Variants in APP observed in about 807,000 individuals in gnomAD.
The protein encoded by APP is amyloid beta precursor protein, also known as amyloid-beta precursor protein.
Under a neutral mutation model 101.4 loss-of-function variants are expected in APP, and 31 were observed. The ratio of observed to expected loss-of-function variants is 0.31; its 90% CI spans 0.23 to 0.41. The LOEUF is 0.41. Among genes scored for constraint, APP ranks in the 10% least tolerant of loss-of-function variants. The pLI, the probability that APP is intolerant of heterozygous loss-of-function variation, is 1.00. For missense variants in APP, 839 were observed against 1,003.7 expected (o/e 0.84, Z 2.22); for synonymous variants, 366 against 364.4 (o/e 1.00, Z -0.05).
At position 25,898,896 on chromosome 21, in the gene APP, C is replaced by G. The variant is rs371961318; in HGVS notation, c.1964-1223G>C. Among the ~76,000 whole-genome samples, 124 of 152,286 alleles carry G rather than the reference C, an allele frequency of 8.1e-4. No homozygotes were observed. The South Asian group carries it at 0.018, about 22-fold the overall frequency. On this transcript the variant is annotated intron_variant, in intron 15 of 17. Transcript: ENST00000346798. ...ATCTTGTCTACGAGATTCTGGGAAA[C>G]TTGTGACACATCTTGCTGACACTGA...
intron 8 of APP, among the ~76,000 whole-genome samples, chr21:25,991,347 T>C (rs915099659): frequency 1.3e-5 from 2 of 152,198 alleles, no homozygotes; most frequent in Non-Finnish European, 2.9e-5. Flanking sequence ...AAAAACCTGC[T>C]GTATTAAACC....
At chr21:25,985,355 G>A (rs1375882670) in intron 8 of APP, among the ~76,000 whole-genome samples, 1 of 152,174 alleles carries the variant, frequency 6.6e-6, no homozygotes, top group Non-Finnish European at 1.5e-5. Flanking sequence ...ATTAGCATCG[G>A]AATTGGTGCA....
At chr21:25,999,869 T>G (rs2043212310) in intron 7 of APP, 146 bp downstream of exon 7, 4 of 933,760 alleles carry the variant, frequency 4.3e-6, no homozygotes, top group Non-Finnish European at 6.7e-6. Context: ...GCGGAGACTC[T>G]GAGCAATTAG....
At chr21:25,915,513 A>G (rs1391699998) in intron 13 of APP, among the ~76,000 whole-genome samples, 2 of 152,250 alleles carry the variant, frequency 1.3e-5, no homozygotes, top group Non-Finnish European at 2.9e-5. Flanking sequence ...GTATTATCAC[A>G]AAAGTAGCTG....
chr21:25,988,209 G>A lies in APP; in HGVS notation c.1091-5732C>T, dbSNP rs550005871. Among the ~76,000 whole-genome samples the A allele has an allele frequency of 2.0e-5, 3 of 152,258 alleles. No homozygotes were observed. The South Asian group carries it at 6.2e-4, about 32-fold the overall frequency. On this transcript the variant is annotated intron_variant, in intron 8 of 17. Coordinates refer to ENST00000346798, the MANE Select transcript of APP (RefSeq NM_000484.4). The stretch of plus-strand genomic sequence containing the variant: ...TGGCAAATTCCACGAGACCCGCATG[G>A]CCAGAGCTAAAGAAGCAAGAGAGGA...
chr21:26,105,123 T>C (rs1229661926), intron 2 of APP, among the ~76,000 whole-genome samples: 1 of 142,154 alleles, frequency 7.0e-6, no homozygotes, highest in Non-Finnish European at 1.5e-5. Context: ...GATACCAGAA[T>C]ACCGTGAATT....
chr21:25,893,696 A>C (rs1224407194), intron 16 of APP, among the ~76,000 whole-genome samples: 2 of 152,228 alleles, frequency 1.3e-5, no homozygotes, highest in Non-Finnish European at 2.9e-5. Flanking sequence ...GGTTGATTTC[A>C]TGAGGTTTAA....
chr21:26,037,592 G>A (rs1469083904), intron 5 of APP, among the ~76,000 whole-genome samples: 1 of 152,186 alleles, frequency 6.6e-6, no homozygotes, highest in Admixed American at 6.5e-5. Context: ...ACCATAACTA[G>A]ACGAGGCACT....
chr21:25,962,823 T>C (rs1324242143), intron 11 of APP, among the ~76,000 whole-genome samples: 3 of 152,168 alleles, frequency 2.0e-5, no homozygotes, highest in African/African-American at 7.2e-5. Context: ...TAACACGGTT[T>C]TGGAGATGGA....
At chr21:26,129,722 T>C (rs1483638347) in intron 1 of APP, among the ~76,000 whole-genome samples, 1 of 152,128 alleles carries the variant, frequency 6.6e-6, no homozygotes, top group African/African-American at 2.4e-5. Context: ...GACATGGATA[T>C]CTGCAGCAAA....
intron 14 of APP, among the ~76,000 whole-genome samples, chr21:25,905,284 T>C (rs1298141607): frequency 6.6e-6 from 1 of 152,196 alleles, no homozygotes; most frequent in Non-Finnish European, 1.5e-5. Flanking sequence ...TCGCTATTGA[T>C]GTGCCAGTCC....
intron 6 of APP, among the ~76,000 whole-genome samples, chr21:26,004,272 A>ATTTT (rs2043417414): frequency 7.3e-6 from 1 of 136,800 alleles, no homozygotes; most frequent in Non-Finnish European, 1.6e-5. Flanking sequence ...CTTTGTATTA[A>ATTTT]TTCTTTTTTT....
chr21:26,145,540 G>T (rs948328901), intron 1 of APP, among the ~76,000 whole-genome samples: 1 of 152,142 alleles, frequency 6.6e-6, no homozygotes, highest in Non-Finnish European at 1.5e-5. Context: ...TGTGTGGCCC[G>T]GTTCCTAGCA....
At chr21:26,138,714 C>A (rs1464763146) in intron 1 of APP, among the ~76,000 whole-genome samples, 1 of 151,878 alleles carries the variant, frequency 6.6e-6, no homozygotes, top group Non-Finnish European at 1.5e-5. Flanking sequence ...CAAAACAAAA[C>A]AAAACAAAAC....
At chr21:26,016,071 G>A (rs560358072) in intron 6 of APP, among the ~76,000 whole-genome samples, 2 of 151,152 alleles carry the variant, frequency 1.3e-5, no homozygotes, top group African/African-American at 2.4e-5. Flanking sequence ...CGCTCTTGTC[G>A]CCAGGCTGGA....
chr21:26,140,159 G>A, intron 1 of APP: 1 of 1,534,520 alleles, frequency 6.5e-7, no homozygotes, highest in Non-Finnish European at 8.7e-7. Flanking sequence ...TTACATAGTT[G>A]ATAAACAGAA....
chr21:25,996,668 C>T (rs1050913365), intron 8 of APP, among the ~76,000 whole-genome samples: 32 of 152,230 alleles, frequency 2.1e-4, no homozygotes, highest in African/African-American at 7.2e-4. Context: ...AGAAGTTCCA[C>T]TGACTGACTT....
At chr21:26,111,816 C>G (rs1335174737) in intron 2 of APP, among the ~76,000 whole-genome samples, 163 bp downstream of exon 2, 1 of 151,986 alleles carries the variant, frequency 6.6e-6, no homozygotes, top group African/African-American at 2.4e-5. Flanking sequence ...ATATGTATAT[C>G]ATAGGGTAAT....
At chr21:26,161,627 G>GT (rs1477040403) in intron 1 of APP, among the ~76,000 whole-genome samples, 1 of 151,302 alleles carries the variant, frequency 6.6e-6, no homozygotes, top group Non-Finnish European at 1.5e-5. Context: ...TAATATGTAA[G>GT]TATCTATGAT....
Sources: allele counts gnomAD v4.1 joint callset (sites outside exome capture counted in the v4.1 genomes callset), GRCh38; gene constraint gnomAD v4.1.1; transcripts MANE v1.5; gene names NCBI Gene and HGNC (gene_info 2026-07-23, HGNC 2026-07-21).